PTPDC1: variants seen among roughly 807,000 people sequenced by gnomAD.
PTPDC1 encodes the protein protein tyrosine phosphatase domain containing 1.
PTPDC1 carries 53 observed loss-of-function variants against 75.3 expected under a neutral mutation model. That is an observed-to-expected ratio of 0.70 (90% CI 0.56 to 0.88). PTPDC1 has a LOEUF of 0.88. Among genes scored for constraint, PTPDC1 ranks in the 40% least tolerant of loss-of-function variants. The probability of loss-of-function intolerance (pLI) is 0.00; values close to 1 mark genes in which losing one functional copy is unlikely to be tolerated. For missense variants in PTPDC1, 925 were observed against 998.6 expected, an observed-to-expected ratio of 0.93 and a Z score of 0.99; for synonymous variants, 349 against 366.2, an observed-to-expected ratio of 0.95 and a Z score of 0.54.
At chr9:94,096,825 C>T (rs944524451) in intron 5 of PTPDC1, among the ~76,000 whole-genome samples, 2 of 152,118 alleles carry the variant, frequency 1.3e-5, no homozygotes, top group African/African-American at 4.8e-5. Context: ...GGGAGAGTGC[C>T]AAGCTGGGAT....
chr9:94,098,568 G>A lies in PTPDC1; in HGVS notation c.2002G>A (p.Glu668Lys), dbSNP rs752347348. The A allele has an allele frequency of 1.4e-5, 22 of 1,612,576 alleles. No individual in the cohort carries two copies. The highest frequency in any genetic ancestry group is 4.0e-5 in the African/African-American group (3 of 74,918). ...VEKEELKRKVEMWQKELNSRD... is the reference protein window; with the variant it reads ...VEKEELKRKVKMWQKELNSRD... The stretch of plus-strand genomic sequence containing the variant: ...AAAGGAGGAACTAAAAAGGAAGGTA[G>A]AAATGTGGCAGGTATTATTAGTACT... The change falls in exon 6 of 9, where the codon GAA becomes AAA. Residue 668 changes from glutamate to lysine, a missense_variant. Glu to Lys is a moderately conservative substitution (Grantham distance 56). Coordinates refer to ENST00000620992, the MANE Select transcript of PTPDC1 (RefSeq NM_001253829.2).
upstream of PTPDC1, among the ~76,000 whole-genome samples, chr9:94,080,727 G>A (rs1826848636): frequency 6.6e-6 from 1 of 152,196 alleles, no homozygotes; most frequent in Non-Finnish European, 1.5e-5. Flanking sequence ...GTTCAAGTGT[G>A]AAATAGGTGA....
intron 6 of PTPDC1, 188 bp downstream of exon 6, chr9:94,098,767 A>C: frequency 1.6e-6 from 1 of 614,666 alleles, no homozygotes; most frequent in South Asian, 2.0e-5. Context: ...GGGTGTTTGT[A>C]TGGTTTCATT....
chr9:94,055,225 CTG>C (rs1433081037), intron 1 of PTPDC1, among the ~76,000 whole-genome samples: 1 of 152,164 alleles, frequency 6.6e-6, no homozygotes, highest in Non-Finnish European at 1.5e-5. Context: ...TGCTTAATAA[CTG>C]TGTAACTTTA....
At chr9:94,105,938 A>G (rs1014663449) in intron 8 of PTPDC1, among the ~76,000 whole-genome samples, 2 of 151,862 alleles carry the variant, frequency 1.3e-5, no homozygotes, top group Admixed American at 6.6e-5. Context: ...GCACCACTGC[A>G]CTCCAGCCTG....
chr9:94,050,434 T>A (rs977934866), intron 1 of PTPDC1, among the ~76,000 whole-genome samples: 30 of 152,234 alleles, frequency 2.0e-4, no homozygotes, highest in Non-Finnish European at 4.0e-4. Flanking sequence ...CTTCTAACAG[T>A]CAGGACCCTC....
At chr9:94,049,801 CAG>C (rs1210571840) in intron 1 of PTPDC1, among the ~76,000 whole-genome samples, 1 of 152,204 alleles carries the variant, frequency 6.6e-6, no homozygotes, top group Admixed American at 6.5e-5. Flanking sequence ...TAATATCCTG[CAG>C]AGTGTTTTCC....
chr9:94,041,291 C>T (rs1015463594), intron 1 of PTPDC1, among the ~76,000 whole-genome samples: 4 of 152,168 alleles, frequency 2.6e-5, no homozygotes, highest in African/African-American at 9.6e-5. Context: ...GGGAAAGTAT[C>T]GTCATTTAGA....
intron 2 of PTPDC1, chr9:94,064,955 C>T: frequency 1.5e-6 from 1 of 650,646 alleles, no homozygotes; most frequent in Non-Finnish European, 2.6e-6. Flanking sequence ...TTACTTACTG[C>T]CTTACCATCT....
chr9:94,045,961 A>G (rs1245088657), intron 1 of PTPDC1, among the ~76,000 whole-genome samples: 8 of 152,006 alleles, frequency 5.3e-5, no homozygotes, highest in Non-Finnish European at 1.0e-4. Flanking sequence ...TTTCTTCTAG[A>G]GTTTTTATGG....
rs1826333552 is a variant in PTPDC1, at chr9:94,067,089, G to T, written c.82+2268G>T. 2.0e-5 allele frequency among the ~76,000 whole-genome samples: 3 copies of T among 151,972 alleles called. No homozygotes were observed. The South Asian group carries it at 6.2e-4, about 32-fold the overall frequency. Reference sequence around the variant, plus strand: ...CAAACTCAAGGCATCGCGTCATTTTGTTAAATAACCACATCATTGGCTGGG... The same window carrying T: ...CAAACTCAAGGCATCGCGTCATTTTTTTAAATAACCACATCATTGGCTGGG... On this transcript the variant is annotated intron_variant, in intron 2 of 9. Transcript: ENST00000375360.
At chr9:94,094,932 C>T (rs1021477680) in intron 4 of PTPDC1, among the ~76,000 whole-genome samples, 4 of 152,246 alleles carry the variant, frequency 2.6e-5, no homozygotes, top group Non-Finnish European at 5.9e-5. Context: ...CGCCCTGCTT[C>T]GGCTGAGGCA....
chr9:94,055,968 T>G (rs1825920418), intron 1 of PTPDC1, among the ~76,000 whole-genome samples: 1 of 152,116 alleles, frequency 6.6e-6, no homozygotes. Context: ...CTATGGACTT[T>G]GGGTGATAAT....
intron 2 of PTPDC1, among the ~76,000 whole-genome samples, chr9:94,065,166 A>G (rs901487189): frequency 3.3e-5 from 5 of 152,264 alleles, no homozygotes; most frequent in African/African-American, 9.6e-5. Flanking sequence ...TAGCACATCC[A>G]GAAGCACTCC....
At position 94,097,422 on chromosome 9, in the gene PTPDC1, G is replaced by A; in HGVS notation, c.856G>A (p.Gly286Arg). The change falls in exon 6 of 9, where the codon GGA becomes AGA. Residue 286 changes from glycine (G) to arginine (R), a missense_variant. Coordinates refer to ENST00000620992, the MANE Select transcript of PTPDC1 (RefSeq NM_001253829.2). ...AKRPNSIQTR[G>R]QLLCVREFTQ... ...GCGACCCAATTCCATACAAACCAGA[G>A]GACAGCTCCTCTGTGTAAGGGAATT... 6.2e-7 allele frequency: 1 copy of A among 1,614,082 alleles called. No homozygotes were observed. The highest frequency in any genetic ancestry group is 8.5e-7 in the Non-Finnish European group (1 of 1,179,986).
chr9:94,054,009 A>G (rs556518988), intron 1 of PTPDC1, among the ~76,000 whole-genome samples: 1 of 152,346 alleles, frequency 6.6e-6, no homozygotes, highest in South Asian at 2.1e-4. Flanking sequence ...TTATGCAGGT[A>G]TACATCCAAC....
intron 2 of PTPDC1, among the ~76,000 whole-genome samples, chr9:94,073,268 A>G (rs1466740280): frequency 2.0e-5 from 3 of 152,056 alleles, no homozygotes; most frequent in African/African-American, 7.3e-5. Flanking sequence ...CAAGGATTTG[A>G]TCCATTTCTT....
chr9:94,073,221 C>T lies in PTPDC1; in HGVS notation c.82+8400C>T, dbSNP rs571495178. On this transcript the variant is annotated intron_variant, in intron 2 of 9. Transcript: ENST00000375360. Reference sequence around the variant, plus strand: ...TTTTATAGAACTGTTCAGGTTGTCTCATTCATCTTGGTTGAGTCTTGGTAG... The same window carrying T: ...TTTTATAGAACTGTTCAGGTTGTCTTATTCATCTTGGTTGAGTCTTGGTAG... Among the ~76,000 whole-genome samples, 43 of 152,316 alleles carry T rather than the reference C, an allele frequency of 2.8e-4. 2 individuals carry two copies. The South Asian group carries it at 7.7e-3, about 27-fold the overall frequency.
At chr9:94,070,565 G>A (rs1296006621) in intron 2 of PTPDC1, among the ~76,000 whole-genome samples, 2 of 152,108 alleles carry the variant, frequency 1.3e-5, no homozygotes, top group African/African-American at 4.8e-5. Context: ...AAACTATTGT[G>A]TAATAATAAT....
Sources: gnomAD v4.1 joint callset for allele counts (sites outside exome capture counted in the v4.1 genomes callset) on GRCh38, gnomAD v4.1.1 for gene constraint, MANE v1.5 for transcripts, NCBI Gene and HGNC (gene_info 2026-07-23, HGNC 2026-07-21) for gene names.